The following ZNF266 variants were observed in gnomAD, a reference collection of about 807,000 sequenced individuals.
ZNF266 encodes zinc finger protein 1.
ZNF266 carries 16 observed loss-of-function variants against 16.4 expected under a neutral mutation model. The observed-to-expected ratio is 0.98, with a 90% CI of 0.66 to 1.48. The LOEUF (loss-of-function observed/expected upper bound fraction) is 1.48, where lower values mean the gene tolerates loss of function less well. ZNF266 is among the 40% of genes most tolerant of loss of function. The pLI is 0.00. For synonymous variants in ZNF266, 262 were observed against 237.9 expected (o/e 1.10, Z -0.93); for missense variants, 738 against 689.1 (o/e 1.07, Z -0.79).
intron 7 of ZNF266, chr19:9,418,900 T>A (rs2069446801): frequency 3.9e-6 from 1 of 259,536 alleles, no homozygotes. Context: ...TAAACACTGA[T>A]GAATGGAAAG....
chr19:9,415,968 C>A (rs2068914756), intron 9 of ZNF266, among the ~76,000 whole-genome samples: 1 of 152,018 alleles, frequency 6.6e-6, no homozygotes. Context: ...GGACTACAGG[C>A]ACATGCCACA....
rs1568404414 is a variant in ZNF266 at position 9,415,657 on chromosome 19, T to C, written c.402A>G (p.Gln134=). The C allele has an allele frequency of 5.6e-6, 9 of 1,610,452 alleles. 1 individual carries two copies. The South Asian group carries it at 8.8e-5, about 16-fold the overall frequency. ...GACGTATCCTTGTTAATCTTACCAT[T>C]TGAATCCCACTGGAGGTTGGCTCCC... The part of the protein sequence containing the change: ...VLGEPTSSGI[Q]MIGSHNGGEV... The change falls in exon 10 of 11, where the codon CAA becomes CAG. Residue 134 remains glutamine, a synonymous_variant. Transcript: ENST00000592904.
At chr19:9,415,522 C>T (rs956583221) in intron 10 of ZNF266, 132 bp downstream of exon 10, 29 of 697,974 alleles carry the variant, frequency 4.2e-5, no homozygotes, top group Non-Finnish European at 6.7e-5. Context: ...AAGTGATCCT[C>T]CCACTTCAGC....
chr19:9,422,116 G>C (rs900943076), intron 5 of ZNF266, among the ~76,000 whole-genome samples: 1 of 152,070 alleles, frequency 6.6e-6, no homozygotes, highest in African/African-American at 2.4e-5. Flanking sequence ...CTCCCAAAGT[G>C]CTGGATTACA....
intron 5 of ZNF266, among the ~76,000 whole-genome samples, chr19:9,427,156 T>C (rs1388549129): frequency 6.6e-6 from 1 of 152,106 alleles, no homozygotes; most frequent in Non-Finnish European, 1.5e-5. Context: ...TGCTCTTGAA[T>C]CTGAAAAAGA....
At chr19:9,418,455 A>G (rs907245005) in intron 8 of ZNF266, 50 bp downstream of exon 8, 13 of 1,596,738 alleles carry the variant, frequency 8.1e-6, no homozygotes, top group Admixed American at 1.7e-5. Context: ...CAGTAAGTAC[A>G]TAACATAATC....
intron 5 of ZNF266, among the ~76,000 whole-genome samples, chr19:9,430,617 C>T (rs1257201558): frequency 1.3e-5 from 2 of 152,110 alleles, no homozygotes; most frequent in Non-Finnish European, 2.9e-5. Context: ...CCAGTCAGAC[C>T]CCATCACCTT....
intron 8 of ZNF266, among the ~76,000 whole-genome samples, 191 bp from the exon 9 acceptor site, chr19:9,418,099 A>C (rs2069334439): frequency 6.6e-6 from 1 of 152,250 alleles, no homozygotes. Context: ...ATCCAGGCTG[A>C]TGTACACACT....
At chr19:9,431,839 C>G (rs1269458485) in intron 5 of ZNF266, among the ~76,000 whole-genome samples, 1 of 152,190 alleles carries the variant, frequency 6.6e-6, no homozygotes, top group Non-Finnish European at 1.5e-5. Context: ...GGCATTCATA[C>G]CCCTGGATAA....
chr19:9,413,282 GAC>G lies in ZNF266; in HGVS notation c.1842_1843del (p.Ala616IlefsTer26), dbSNP rs769979955. 1 of 1,580,710 alleles carries G rather than the reference GAC, an allele frequency of 6.3e-7. No homozygotes were observed. The highest frequency in any genetic ancestry group is 8.6e-7 in the Non-Finnish European group (1 of 1,163,592). ...TAGGTTTTCCCACATTCCTTATGCTGACAGTCTCTCATCCGCATGCCTTCTTT... is the reference window on the plus strand; with the variant it reads ...TAGGTTTTCCCACATTCCTTATGCTGAGTCTCTCATCCGCATGCCTTCTTT... On this transcript the variant is annotated frameshift_variant, in exon 11 of 11. Coordinates refer to ENST00000592904, the MANE Select transcript of ZNF266 (RefSeq NM_001370374.1). LOFTEE classifies it high-confidence loss of function.
intron 8 of ZNF266, 128 bp downstream of exon 8, chr19:9,418,377 C>G (rs2069379497): frequency 5.9e-6 from 6 of 1,019,486 alleles, no homozygotes; most frequent in East Asian, 4.8e-5. Flanking sequence ...AGATGAAACC[C>G]TATTAGGGCA....
At chr19:9,417,304 T>G (rs1036102999) in intron 9 of ZNF266, among the ~76,000 whole-genome samples, 3 of 152,048 alleles carry the variant, frequency 2.0e-5, no homozygotes, top group African/African-American at 7.2e-5. Context: ...CCCGGGAGGC[T>G]GAAGTTGCAG....
chr19:9,428,384 G>T (rs1312947289), intron 5 of ZNF266, among the ~76,000 whole-genome samples: 2 of 152,308 alleles, frequency 1.3e-5, no homozygotes, highest in Non-Finnish European at 2.9e-5. Context: ...TGATGCCAGC[G>T]TGCTGAAGGT....
chr19:9,423,762 G>A (rs1038531111), intron 5 of ZNF266, among the ~76,000 whole-genome samples: 3 of 152,146 alleles, frequency 2.0e-5, no homozygotes, highest in Admixed American at 2.0e-4. Context: ...TTGGGAGGCC[G>A]AGGCAGGTGG....
chr19:9,417,407 A>C (rs1331049111), intron 9 of ZNF266, among the ~76,000 whole-genome samples: 1 of 151,248 alleles, frequency 6.6e-6, no homozygotes, highest in Non-Finnish European at 1.5e-5. Flanking sequence ...TGGCCTCAAC[A>C]CTGTGAGATG....
At chr19:9,430,317 C>T (rs1237968510) in intron 5 of ZNF266, among the ~76,000 whole-genome samples, 6 of 152,114 alleles carry the variant, frequency 3.9e-5, no homozygotes, top group African/African-American at 1.4e-4. Context: ...TTGTCCAGGG[C>T]TCAGACTTTC....
At position 9,417,867 on chromosome 19, in the gene ZNF266, G is replaced by T. The variant is rs1424668082; in HGVS notation, c.277C>A (p.Gln93Lys). The T allele has an allele frequency of 6.2e-7, 1 of 1,614,058 alleles. No individual in the cohort carries two copies. The highest frequency in any genetic ancestry group is 2.2e-5 in the East Asian group (1 of 44,884). Residue 93 changes from glutamine to lysine, a missense_variant, in exon 9 of 11, where the codon CAA becomes AAA. Transcript: ENST00000592904. ...CTCTGCACTGTCCTAGACTCTTCTT[G>T]TTCCAGCCAAGAGATCAGACTGGGT... ...FKPSLISWLE[Q>K]EESRTVQRGD...
chr19:9,427,886 G>A (rs565638922), intron 5 of ZNF266, among the ~76,000 whole-genome samples: 2 of 152,142 alleles, frequency 1.3e-5, no homozygotes, highest in South Asian at 4.1e-4. Flanking sequence ...GTAATTTTTG[G>A]GTTCTGGTGG....
At chr19:9,424,891 G>C (rs2070502143) in intron 5 of ZNF266, among the ~76,000 whole-genome samples, 1 of 152,148 alleles carries the variant, frequency 6.6e-6, no homozygotes, top group Non-Finnish European at 1.5e-5. Flanking sequence ...ATATAGACTT[G>C]TTTAATTATT....
Sources: allele counts gnomAD v4.1 joint callset (sites outside exome capture counted in the v4.1 genomes callset), GRCh38; gene constraint gnomAD v4.1.1; transcripts MANE v1.5; gene names NCBI Gene and HGNC (gene_info 2026-07-23, HGNC 2026-07-21).